LGMN: variants seen among roughly 807,000 people sequenced by gnomAD.
The protein encoded by LGMN is legumain.
Under a neutral mutation model 56.8 loss-of-function variants are expected in LGMN, and 36 were observed. The ratio of observed to expected loss-of-function variants is 0.63; its 90% CI spans 0.49 to 0.84. The LOEUF is 0.84. Ranked by LOEUF, LGMN falls within the 40% of genes least tolerant of loss-of-function variation. The probability of loss-of-function intolerance (pLI) is 0.00; values close to 1 mark genes in which losing one functional copy is unlikely to be tolerated. For missense variants in LGMN, 446 were observed against 556.1 expected (o/e 0.80, Z 1.99); for synonymous variants, 199 against 210.1 (o/e 0.95, Z 0.46).
At chr14:92,734,051 A>AT (rs1165962676) in intron 1 of LGMN, among the ~76,000 whole-genome samples, 1 of 152,202 alleles carries the variant, frequency 6.6e-6, no homozygotes, top group Non-Finnish European at 1.5e-5. Flanking sequence ...TTGATGGGCA[A>AT]TTTAAGTTTA....
intron 4 of LGMN, among the ~76,000 whole-genome samples, chr14:92,717,176 A>G (rs1051440716): frequency 2.0e-5 from 3 of 152,226 alleles, no homozygotes; most frequent in African/African-American, 7.2e-5. Flanking sequence ...GTGGATTGCA[A>G]CTTATTCTAA....
chr14:92,728,585 T>C (rs1238963138), intron 2 of LGMN, among the ~76,000 whole-genome samples: 1 of 152,234 alleles, frequency 6.6e-6, no homozygotes, highest in Non-Finnish European at 1.5e-5. Context: ...GGCGCATGAC[T>C]AATTACAAAT....
In LGMN at chr14:92,704,228, G is replaced by C; in HGVS notation, c.*91C>G. On this transcript the variant is annotated 3_prime_UTR_variant, in exon 14 of 14. Transcript: ENST00000334869. ...GGGGCTCCCCAGGAGGGCCCGAGCAGCGGAGACTTCTCACTCCACCTCTCC... is the reference window on the plus strand; with the variant it reads ...GGGGCTCCCCAGGAGGGCCCGAGCACCGGAGACTTCTCACTCCACCTCTCC... The C allele has an allele frequency of 6.4e-7, 1 of 1,550,520 alleles. No homozygotes were observed. Among genetic ancestry groups the C allele is most frequent in the African/African-American group, 1.4e-5 (1 of 73,800 alleles).
chr14:92,740,798 C>T (rs1380642452), intron 1 of LGMN, among the ~76,000 whole-genome samples: 1 of 152,226 alleles, frequency 6.6e-6, no homozygotes, highest in Non-Finnish European at 1.5e-5. Flanking sequence ...TTACAGACTT[C>T]ACCAGCCTCC....
At chr14:92,704,399 C>T (rs757595883) in intron 13 of LGMN, 38 bp from the exon 14 acceptor site, 1 of 1,517,918 alleles carries the variant, frequency 6.6e-7, no homozygotes, top group Non-Finnish European at 9.1e-7. Context: ...TGAACCGTGT[C>T]AACTCTGAAG....
chr14:92,743,863 T>C (rs985779806), intron 1 of LGMN, among the ~76,000 whole-genome samples: 6 of 150,236 alleles, frequency 4.0e-5, no homozygotes, highest in Admixed American at 1.3e-4. Flanking sequence ...TTAACTCAGA[T>C]GAAAAATCTA....
chr14:92,739,975 G>GTACTTA (rs1891475086), intron 1 of LGMN, among the ~76,000 whole-genome samples: 1 of 152,180 alleles, frequency 6.6e-6, no homozygotes, highest in Non-Finnish European at 1.5e-5. Flanking sequence ...TCCCAGCTGG[G>GTACTTA]CACGGTGGCT....
chr14:92,729,512 T>C (rs1890939559), intron 2 of LGMN, among the ~76,000 whole-genome samples: 1 of 91,520 alleles, frequency 1.1e-5, no homozygotes, highest in Non-Finnish European at 2.0e-5. Context: ...CAGCCCAAAA[T>C]GGAAAAGTGA....
chr14:92,707,451 AT>A (rs1889495662), intron 11 of LGMN, among the ~76,000 whole-genome samples: 1 of 152,136 alleles, frequency 6.6e-6, no homozygotes, highest in South Asian at 2.1e-4. Context: ...TCAACTCTGT[AT>A]CTTTACAAGG....
chr14:92,745,883 G>C (rs1242096), intron 1 of LGMN, among the ~76,000 whole-genome samples: 246 of 151,600 alleles, frequency 1.6e-3, no homozygotes, highest in African/African-American at 5.8e-3. Flanking sequence ...GTGCAGTGGC[G>C]CCATCTCGGC....
chr14:92,704,327 G>C lies in LGMN; in HGVS notation c.1294C>G (p.His432Asp), dbSNP rs1366618657. The C allele has an allele frequency of 1.9e-6, 3 of 1,613,764 alleles. No individual in the cohort carries two copies. Among genetic ancestry groups the C allele is most frequent in the Middle Eastern group, 1.6e-4 (1 of 6,062 alleles). ...KLSMDHVCLG[H>D]Y is the part of the protein sequence containing the mutation. ...TTCCAGGAGGCAGCTCTTCAGTAGT[G>C]ACCAAGGCACACGTGGTCCATGGAC... Residue 432 changes from histidine (H) to aspartate (D), a missense_variant, in exon 14 of 14, where the codon CAC becomes GAC. Transcript: ENST00000334869.
intron 2 of LGMN, among the ~76,000 whole-genome samples, chr14:92,721,625 A>G (rs1334769729): frequency 1.3e-5 from 2 of 152,216 alleles, no homozygotes; most frequent in Non-Finnish European, 2.9e-5. Context: ...CACACCCTCC[A>G]ACCAAGCAAT....
chr14:92,708,357 C>A (rs1889553466), intron 11 of LGMN, among the ~76,000 whole-genome samples: 1 of 151,780 alleles, frequency 6.6e-6, no homozygotes, highest in African/African-American at 2.4e-5. Context: ...CCAGCACTTT[C>A]AGGGCCCAGG....
chr14:92,711,043 G>A (rs1889739174), intron 10 of LGMN, among the ~76,000 whole-genome samples: 1 of 152,190 alleles, frequency 6.6e-6, no homozygotes, highest in Non-Finnish European at 1.5e-5. Context: ...GGGAGGCCCT[G>A]CACATTTGTT....
intron 2 of LGMN, among the ~76,000 whole-genome samples, chr14:92,721,253 C>G (rs182308357): frequency 7.2e-5 from 11 of 152,214 alleles, no homozygotes; most frequent in South Asian, 2.1e-4. Context: ...GAGTCAGTGT[C>G]CAAGTGATGC....
rs1890122229 is a variant in LGMN at position 92,717,366 on chromosome 14, T to C, written c.318+14A>G. Reference sequence around the variant, plus strand: ...AAACTAAACCAGCTGGCTCCAACCGTAGAAGCCACTCACCTCTCCAGTGTA... The same window carrying C: ...AAACTAAACCAGCTGGCTCCAACCGCAGAAGCCACTCACCTCTCCAGTGTA... On this transcript the variant is annotated intron_variant, in intron 4 of 13. Coordinates refer to ENST00000334869, the MANE Select transcript of LGMN (RefSeq NM_005606.7). 2 of 1,528,082 alleles carry C rather than the reference T, an allele frequency of 1.3e-6. No homozygotes were observed. The highest frequency in any genetic ancestry group is 2.3e-5 in the East Asian group (1 of 43,800). 94.7% of individuals were successfully genotyped at this position (1,528,082 alleles called of 1,614,324 possible).
intron 4 of LGMN, among the ~76,000 whole-genome samples, chr14:92,716,610 G>A (rs1221198428): frequency 6.6e-6 from 1 of 152,166 alleles, no homozygotes; most frequent in Admixed American, 6.6e-5. Flanking sequence ...TCCAGCCTGG[G>A]TAACAGTGCA....
chr14:92,726,918 A>G (rs1240239912), intron 2 of LGMN, among the ~76,000 whole-genome samples: 1 of 152,230 alleles, frequency 6.6e-6, no homozygotes, highest in Non-Finnish European at 1.5e-5. Flanking sequence ...ACGTGATGCA[A>G]TTCTGGCCAG....
At chr14:92,727,750 G>A (rs1242106) in intron 2 of LGMN, among the ~76,000 whole-genome samples, 1,673 of 152,162 alleles carry the variant, frequency 0.011, 33 homozygotes, top group African/African-American at 0.038. Flanking sequence ...ACCCAAACCC[G>A]GCAACTGGAG....
Sources: allele counts gnomAD v4.1 joint callset (sites outside exome capture counted in the v4.1 genomes callset), GRCh38; gene constraint gnomAD v4.1.1; transcripts MANE v1.5; gene names NCBI Gene and HGNC (gene_info 2026-07-23, HGNC 2026-07-21).